The following ZNF543 variants were observed in gnomAD, a reference collection of about 807,000 sequenced individuals.
ZNF543 encodes the protein zinc finger protein 543.
Under a neutral mutation model 13.4 loss-of-function variants are expected in ZNF543, and 10 were observed. That is an observed-to-expected ratio of 0.75 (90% CI 0.46 to 1.26). The LOEUF is 1.26. ZNF543 is among the 50% of genes most tolerant of loss of function. The pLI, the probability that ZNF543 is intolerant of heterozygous loss-of-function variation, is 0.00. For synonymous variants in ZNF543, 272 were observed against 264.7 expected, an observed-to-expected ratio of 1.03 and a Z score of -0.27; for missense variants, 768 against 741.2, an observed-to-expected ratio of 1.04 and a Z score of -0.42.
chr19:57,321,743 T>C (rs1399534312), intron 1 of ZNF543, among the ~76,000 whole-genome samples: 3 of 152,218 alleles, frequency 2.0e-5, no homozygotes, highest in African/African-American at 7.2e-5. Context: ...CATCACAGCC[T>C]GTGTTTTTAC....
intron 2 of ZNF543, among the ~76,000 whole-genome samples, chr19:57,324,335 T>G: frequency 1.5e-5 from 2 of 135,736 alleles, no homozygotes; most frequent in East Asian, 2.1e-4. Flanking sequence ...CAGGCGACAG[T>G]GTGAGAGAGA....
chr19:57,327,621 A>G, intron 3 of ZNF543, 83 bp from the exon 4 acceptor site: 2 of 1,509,200 alleles, frequency 1.3e-6, no homozygotes, highest in Admixed American at 2.3e-5. Context: ...CTGGGATTAC[A>G]GGTATGAATC....
intron 1 of ZNF543, among the ~76,000 whole-genome samples, chr19:57,323,329 A>C (rs4801463): frequency 0.28 from 41,856 of 151,566 alleles, 6,184 homozygotes; most frequent in African/African-American, 0.35. Flanking sequence ...GTAGCTGGGA[A>C]TACAGGCGCC....
Position 57,328,424 on chromosome 19 carries a change from G to A in ZNF543, c.962G>A (p.Arg321Gln), listed in dbSNP as rs910244683. 8 of 1,613,842 alleles carry A rather than the reference G, an allele frequency of 5.0e-6. No homozygotes were observed. The highest frequency in any genetic ancestry group is 1.1e-5 in the South Asian group (1 of 91,070). Reference sequence around the variant, plus strand: ...TGCAAAGAGTGTGGCAAAGCCTTTCGAGATAGGCCAGGTTTCATTCGACAC... The same window carrying A: ...TGCAAAGAGTGTGGCAAAGCCTTTCAAGATAGGCCAGGTTTCATTCGACAC... Reference protein sequence around the residue: ...FVCKECGKAFRDRPGFIRHYI... With the variant: ...FVCKECGKAFQDRPGFIRHYI... The change falls in exon 4 of 4, where the codon CGA (arginine) becomes CAA (glutamine). Residue 321 changes from arginine to glutamine, a missense_variant. Arg to Gln is a conservative substitution (Grantham distance 43). Around this residue, in one of 3 missense-constraint regions of ZNF543, gnomAD observed 677 missense variants for 631.4 expected, o/e 1.07. Coordinates refer to ENST00000321545, the MANE Select transcript of ZNF543 (RefSeq NM_213598.4).
chr19:57,322,690 G>A (rs998647314), intron 1 of ZNF543, among the ~76,000 whole-genome samples: 2 of 152,052 alleles, frequency 1.3e-5, no homozygotes, highest in African/African-American at 4.8e-5. Context: ...TGGAGGTCCT[G>A]GACCTCAAGT....
chr19:57,328,199 T>G lies in ZNF543; in HGVS notation c.737T>G (p.Leu246Arg). Residue 246 changes from leucine (L) to arginine (R), a missense_variant, in exon 4 of 4, where the codon CTC becomes CGC. Physicochemically the swap from Leu to Arg is moderately radical, Grantham distance 102. Around this residue, in one of 3 missense-constraint regions of ZNF543, gnomAD observed 677 missense variants for 631.4 expected, o/e 1.07. Transcript: ENST00000321545. Reference sequence around the variant, plus strand: ...AAGAGCACTCATCTTCTTCAGCACCTCATCATCCACACTGGGGAGAAGCCC... The same window carrying G: ...AAGAGCACTCATCTTCTTCAGCACCGCATCATCCACACTGGGGAGAAGCCC... Reference protein sequence around the residue: ...FSKSTHLLQHLIIHTGEKPYK... With the variant: ...FSKSTHLLQHRIIHTGEKPYK... The G allele has an allele frequency of 2.5e-6, 4 of 1,614,050 alleles. No homozygotes were observed. The highest frequency in any genetic ancestry group is 3.3e-5 in the Admixed American group (2 of 60,022).
intron 2 of ZNF543, among the ~76,000 whole-genome samples, chr19:57,324,178 C>T (rs764968546): frequency 1.7e-4 from 26 of 152,092 alleles, no homozygotes; most frequent in Non-Finnish European, 3.2e-4. Flanking sequence ...GGTGAAATCC[C>T]GTCTCTACTA....
rs989108352 is a variant in ZNF543 at position 57,320,514 on chromosome 19, A to G, written c.-340A>G. On this transcript the variant is annotated 5_prime_UTR_variant, in exon 1 of 4. Coordinates refer to ENST00000321545, the MANE Select transcript of ZNF543 (RefSeq NM_213598.4). ...CCGTGAGCAGGATTGGCCCTGGAAC[A>G]GTGTGGGGCCTGGACCGCTGGGTAG... The G allele has an allele frequency of 1.5e-5, 4 of 264,014 alleles. No individual in the cohort carries two copies. Among genetic ancestry groups the G allele is most frequent in the Non-Finnish European group, 2.9e-5 (4 of 136,738 alleles). 16.4% of individuals were successfully genotyped at this position (264,014 alleles called of 1,614,324 possible). A position where few individuals can be genotyped will look rare whatever the true frequency, so the allele number is the denominator to read the frequency against.
In ZNF543 at chr19:57,326,573, T is replaced by C. The variant is rs190438861; in HGVS notation, c.146-60T>C. The C allele has an allele frequency of 2.3e-5, 30 of 1,319,918 alleles. No individual in the cohort carries two copies. In the African/African-American group the frequency reaches 3.5e-4, roughly 15 times the overall value. The allele number at this position is 1,319,918 out of a possible 1,614,324, so 81.8% of individuals were successfully genotyped here. A position where few individuals can be genotyped will look rare whatever the true frequency, so the allele number is the denominator to read the frequency against. On this transcript the variant is annotated intron_variant, in intron 2 of 3. Transcript: ENST00000321545. Reference sequence around the variant, plus strand: ...CCCCATCCTGCAGTCCCAGATCAGATTGACAGGTTTCTTTCTTCTAACCTA... The same window carrying C: ...CCCCATCCTGCAGTCCCAGATCAGACTGACAGGTTTCTTTCTTCTAACCTA...
chr19:57,327,301 C>T (rs566369466), intron 3 of ZNF543, among the ~76,000 whole-genome samples: 1 of 150,852 alleles, frequency 6.6e-6, no homozygotes, highest in Non-Finnish European at 1.5e-5. Context: ...TGTTTCACTT[C>T]ATCTTCACTA....
At position 57,329,406 on chromosome 19, in the gene ZNF543, CCA is replaced by C; in HGVS notation, c.*143_*144del. ...TTGAACCAGCCTGGAGTCTTATTCTCCACCTGAGAATTCACCCATGAGAGAGA... is the reference window on the plus strand; with the variant it reads ...TTGAACCAGCCTGGAGTCTTATTCTCCCTGAGAATTCACCCATGAGAGAGA... On this transcript the variant is annotated 3_prime_UTR_variant, in exon 4 of 4. Transcript: ENST00000321545. 1 of 1,191,918 alleles carries C rather than the reference CCA, an allele frequency of 8.4e-7. No homozygotes were observed. 73.8% of individuals were successfully genotyped at this position (1,191,918 alleles called of 1,614,324 possible).
chr19:57,321,012 T>G (rs1231945359), intron 1 of ZNF543, 141 bp downstream of exon 1: 2 of 1,187,962 alleles, frequency 1.7e-6, no homozygotes, highest in African/African-American at 1.5e-5. Context: ...TGTCATTTCC[T>G]TTATCCGCAG....
intron 2 of ZNF543, among the ~76,000 whole-genome samples, chr19:57,325,895 AG>A (rs2088117656): frequency 6.6e-6 from 1 of 152,150 alleles, no homozygotes; most frequent in African/African-American, 2.4e-5. Context: ...TGGCAGCAGG[AG>A]TGGCAGCCTC....
chr19:57,329,536 G>A lies in ZNF543; in HGVS notation c.*271G>A, dbSNP rs1463406200. The A allele has an allele frequency of 8.4e-5, 26 of 309,206 alleles. No individual in the cohort carries two copies. The East Asian group carries it at 1.4e-3, about 17-fold the overall frequency. The allele number at this position is 309,206 out of a possible 1,614,324, so 19.2% of individuals were successfully genotyped here. On this transcript the variant is annotated 3_prime_UTR_variant, in exon 4 of 4. Coordinates refer to ENST00000321545, the MANE Select transcript of ZNF543 (RefSeq NM_213598.4). The stretch of plus-strand genomic sequence containing the variant: ...GATATTTTTTTTTTTTTTTTGAGAC[G>A]GAGTCTCGCTCTGTCGCCCAGGCTG...
intron 3 of ZNF543, 46 bp downstream of exon 3, chr19:57,326,774 A>G: frequency 1.3e-6 from 2 of 1,488,782 alleles, no homozygotes; most frequent in South Asian, 2.3e-5. Context: ...CAGCTTACAC[A>G]TGGAAAAGTG....
rs1218832773 is a variant in ZNF543 at position 57,323,700 on chromosome 19, G to T, written c.37G>T (p.Asp13Tyr). 1 of 1,613,312 alleles carries T rather than the reference G, an allele frequency of 6.2e-7. No individual in the cohort carries two copies. Among genetic ancestry groups the T allele is most frequent in the African/African-American group, 1.3e-5 (1 of 74,890 alleles). The change falls in exon 2 of 4, where the codon GAT (aspartate) becomes TAT (tyrosine). Residue 13 changes from aspartate (D) to tyrosine (Y), a missense_variant. By Grantham distance (160) the Asp-to-Tyr change is radical. Coordinates refer to ENST00000321545, the MANE Select transcript of ZNF543 (RefSeq NM_213598.4). ...ASAQVSVTFE[D>Y]VAVTFTQEEW... ...TTTCCAGGTGTCTGTGACCTTTGAGGATGTGGCTGTGACATTCACCCAGGA... is the reference window on the plus strand; with the variant it reads ...TTTCCAGGTGTCTGTGACCTTTGAGTATGTGGCTGTGACATTCACCCAGGA...
intron 1 of ZNF543, 60 bp from the exon 2 acceptor site, chr19:57,323,622 A>G (rs750496751): frequency 5.6e-6 from 9 of 1,597,876 alleles, no homozygotes; most frequent in South Asian, 4.4e-5. Context: ...TGAAGTGACA[A>G]GTTCTAGTTG....
Position 57,320,547 on chromosome 19 carries a change from C to CAGCG in ZNF543, c.-306_-303dup. 2 of 383,862 alleles carry CAGCG rather than the reference C, an allele frequency of 5.2e-6. No homozygotes were observed. Among genetic ancestry groups the CAGCG allele is most frequent in the Middle Eastern group, 7.4e-4 (1 of 1,348 alleles). 23.8% of individuals were successfully genotyped at this position (383,862 alleles called of 1,614,324 possible). A position where few individuals can be genotyped will look rare whatever the true frequency, so the allele number is the denominator to read the frequency against. On this transcript the variant is annotated 5_prime_UTR_variant, in exon 1 of 4. Coordinates refer to ENST00000321545, the MANE Select transcript of ZNF543 (RefSeq NM_213598.4). ...GCCTGGACCGCTGGGTAGGCGCGTCCAGCGGCCTGAGCAGGGGAGGGTAAT... is the reference window on the plus strand; with the variant it reads ...GCCTGGACCGCTGGGTAGGCGCGTCCAGCGAGCGGCCTGAGCAGGGGAGGGTAAT...
At position 57,327,875 on chromosome 19, in the gene ZNF543, G is replaced by A; in HGVS notation, c.413G>A (p.Gly138Glu). The A allele has an allele frequency of 6.2e-7, 1 of 1,614,154 alleles. No individual in the cohort carries two copies. The highest frequency in any genetic ancestry group is 8.5e-7 in the Non-Finnish European group (1 of 1,180,028). ...ATGCAAGAAGTCCACTTGAAAATAG[G>A]GATAGGCCCCCAGCGGGGGAAGCTG... ...SEMQEVHLKIGIGPQRGKLLE... is the reference protein window; with the variant it reads ...SEMQEVHLKIEIGPQRGKLLE... Residue 138 changes from glycine to glutamate, a missense_variant, in exon 4 of 4, where the codon GGG becomes GAG. Around this residue, in one of 3 missense-constraint regions of ZNF543, gnomAD observed 677 missense variants for 631.4 expected, o/e 1.07. Coordinates refer to ENST00000321545, the MANE Select transcript of ZNF543 (RefSeq NM_213598.4).
Sources: gnomAD v4.1 joint callset for allele counts (sites outside exome capture counted in the v4.1 genomes callset) on GRCh38, gnomAD v4.1.1 for gene constraint, gnomAD v4.1.1 regional missense constraint, MANE v1.5 for transcripts, NCBI Gene and HGNC (gene_info 2026-07-23, HGNC 2026-07-21) for gene names.